SORCS2: variants seen among roughly 807,000 people sequenced by gnomAD.
SORCS2 encodes the protein VPS10 domain-containing receptor SorCS2.
A neutral mutation model predicts 141.6 loss-of-function variants in SORCS2; 100 were observed. That is an observed-to-expected ratio of 0.71 (90% CI 0.60 to 0.83). SORCS2 has a LOEUF of 0.83. Ranked by LOEUF, SORCS2 falls within the 40% of genes least tolerant of loss-of-function variation. The pLI is 0.00. For synonymous variants in SORCS2, 789 were observed against 676.9 expected (o/e 1.17, Z -2.57); for missense variants, 1,646 against 1,560.2 (o/e 1.05, Z -0.93).
intron 26 of SORCS2, among the ~76,000 whole-genome samples, chr4:7,739,222 G>A (rs1179830583): frequency 1.3e-5 from 2 of 152,180 alleles, no homozygotes; most frequent in African/African-American, 4.8e-5. Flanking sequence ...GCCCCCCGAA[G>A]GCCCCGGGCC....
At chr4:7,566,119 G>A (rs1714987817) in intron 3 of SORCS2, among the ~76,000 whole-genome samples, 1 of 144,140 alleles carries the variant, frequency 6.9e-6, no homozygotes, top group African/African-American at 2.4e-5. Flanking sequence ...TGGTAATGGT[G>A]ATGGTGATGA....
chr4:7,396,835 T>C (rs1469449711), intron 2 of SORCS2, among the ~76,000 whole-genome samples: 1 of 152,208 alleles, frequency 6.6e-6, no homozygotes, highest in Non-Finnish European at 1.5e-5. Context: ...TATCTCTTTA[T>C]GTGTGAAATG....
rs1468995195 is a variant in SORCS2, at chr4:7,726,770, G to A, written c.2746-10G>A. 5 of 1,612,616 alleles carry A rather than the reference G, an allele frequency of 3.1e-6. No homozygotes were observed. The African/African-American group carries it at 5.3e-5, about 17-fold the overall frequency. ...CGGCCAGGCCCCTAAGCCCTGCTGT[G>A]CCCCTGCAGCCCCTCCTTTCCCTGG... is the stretch of plus-strand genomic sequence containing the variant. On this transcript the variant is annotated splice_polypyrimidine_tract_variant and intron_variant, in intron 20 of 26. Coordinates refer to ENST00000507866, the MANE Select transcript of SORCS2 (RefSeq NM_020777.3).
chr4:7,642,477 G>T (rs1478971626), intron 4 of SORCS2, among the ~76,000 whole-genome samples: 2 of 152,256 alleles, frequency 1.3e-5, no homozygotes, highest in Non-Finnish European at 2.9e-5. Flanking sequence ...CTTAGTTGCA[G>T]TTGTAAAAGG....
At chr4:7,320,581 G>A (rs1468779192) in intron 1 of SORCS2, among the ~76,000 whole-genome samples, 1 of 152,246 alleles carries the variant, frequency 6.6e-6, no homozygotes, top group Admixed American at 6.5e-5. Context: ...GCAGGTGGGG[G>A]TTTAGAAACA....
At chr4:7,213,648 G>T (rs1007092999) in intron 1 of SORCS2, among the ~76,000 whole-genome samples, 6 of 152,176 alleles carry the variant, frequency 3.9e-5, no homozygotes, top group Non-Finnish European at 1.5e-5. Context: ...AGCCTCGCTG[G>T]GGTCTCATTT....
chr4:7,458,204 C>G, intron 2 of SORCS2, among the ~76,000 whole-genome samples: 1 of 151,790 alleles, frequency 6.6e-6, no homozygotes, highest in African/African-American at 2.4e-5. Flanking sequence ...TCCTGTGGGG[C>G]GGGGGGAGGC....
rs1279461581 is a variant in SORCS2 at position 7,740,428 on chromosome 4, A to AGGCCCACGGGG, written c.*175_*185dup. On this transcript the variant is annotated 3_prime_UTR_variant, in exon 27 of 27. Transcript: ENST00000507866. ...CCCTCTGATAAATCCAAGCCCGCCC[A>AGGCCCACGGGG]GGCCCACGGGGGGCCCACGGGACCC... 11 of 651,786 alleles carry AGGCCCACGGGG rather than the reference A, an allele frequency of 1.7e-5. No homozygotes were observed. Among genetic ancestry groups the AGGCCCACGGGG allele is most frequent in the African/African-American group, 1.1e-4 (6 of 54,912 alleles). The allele number at this position is 651,786 out of a possible 1,614,324, so 40.4% of individuals were successfully genotyped here.
rs1723322933 is a variant in SORCS2 at position 7,386,427 on chromosome 4, AC to A, written c.481-9860del. Among the ~76,000 whole-genome samples the A allele has an allele frequency of 1.8e-5, 2 of 112,262 alleles. 1 individual carries two copies. The highest frequency in any genetic ancestry group is 3.6e-5 in the Non-Finnish European group (2 of 55,034). 73.6% of individuals were successfully genotyped at this position (112,262 alleles called of 152,430 possible). ...TATGTACACACGCACACATGCACAC[AC>A]ATACAGGTACACAGAGATACACATG... On this transcript the variant is annotated intron_variant, in intron 1 of 26. Coordinates refer to ENST00000507866, the MANE Select transcript of SORCS2 (RefSeq NM_020777.3).
chr4:7,388,432 T>C (rs4689718), intron 1 of SORCS2, among the ~76,000 whole-genome samples: 53,282 of 152,026 alleles, frequency 0.35, 9,578 homozygotes, highest in East Asian at 0.57. Flanking sequence ...GGAGGAGTCT[T>C]CTTTATTTTA....
intron 1 of SORCS2, among the ~76,000 whole-genome samples, chr4:7,276,887 G>A (rs1715535999): frequency 6.6e-6 from 1 of 152,180 alleles, no homozygotes; most frequent in African/African-American, 2.4e-5. Flanking sequence ...TGGGGAAACT[G>A]AGGCACAGAG....
chr4:7,572,619 G>A (rs1715478209), intron 3 of SORCS2, among the ~76,000 whole-genome samples: 1 of 152,194 alleles, frequency 6.6e-6, no homozygotes, highest in Non-Finnish European at 1.5e-5. Context: ...GCACAAAGAT[G>A]TGTAGGGTAT....
intron 2 of SORCS2, among the ~76,000 whole-genome samples, chr4:7,450,494 C>T (rs1302027915): frequency 2.6e-5 from 4 of 152,194 alleles, no homozygotes; most frequent in Admixed American, 2.6e-4. Context: ...GACCCACATG[C>T]CAATGCCCCC....
chr4:7,419,215 A>G (rs1263980881), intron 2 of SORCS2, among the ~76,000 whole-genome samples: 1 of 152,192 alleles, frequency 6.6e-6, no homozygotes, highest in Non-Finnish European at 1.5e-5. Context: ...AAGAGAAGGT[A>G]TGAGGCTAGT....
chr4:7,638,908 C>T (rs2108864737), intron 4 of SORCS2, among the ~76,000 whole-genome samples: 1 of 152,348 alleles, frequency 6.6e-6, no homozygotes, highest in Non-Finnish European at 1.5e-5. Flanking sequence ...TGTTCTTCTC[C>T]CCTCGCCAAG....
At chr4:7,289,812 CG>C (rs1479423410) in intron 1 of SORCS2, among the ~76,000 whole-genome samples, 2 of 152,194 alleles carry the variant, frequency 1.3e-5, no homozygotes, top group Non-Finnish European at 1.5e-5. Context: ...CAAATAGAGA[CG>C]GCGCTCGGCT....
chr4:7,370,133 A>G (rs949560800), intron 1 of SORCS2, among the ~76,000 whole-genome samples: 2 of 151,974 alleles, frequency 1.3e-5, no homozygotes, highest in African/African-American at 4.8e-5. Flanking sequence ...GACCCAGGAG[A>G]GGCCCTTTTT....
chr4:7,390,515 C>G, intron 1 of SORCS2, among the ~76,000 whole-genome samples: 1 of 152,210 alleles, frequency 6.6e-6, no homozygotes, highest in East Asian at 1.9e-4. Context: ...GGCCAGGGTT[C>G]AGGCTGGCTC....
At chr4:7,262,823 T>C (rs1714454252) in intron 1 of SORCS2, among the ~76,000 whole-genome samples, 1 of 152,210 alleles carries the variant, frequency 6.6e-6, no homozygotes, top group Admixed American at 6.5e-5. Flanking sequence ...ATTTAGGCAC[T>C]GCTTTTTCTT....
Sources: gnomAD v4.1 joint callset for allele counts (sites outside exome capture counted in the v4.1 genomes callset) on GRCh38, gnomAD v4.1.1 for gene constraint, MANE v1.5 for transcripts, NCBI Gene and HGNC (gene_info 2026-07-23, HGNC 2026-07-21) for gene names.